The following ATXN7 variants were observed in gnomAD, a reference collection of about 807,000 sequenced individuals.
ATXN7 encodes the protein ataxin-7.
In ATXN7, 12 loss-of-function variants were observed where a neutral mutation model predicts 70.5. The ratio of observed to expected loss-of-function variants is 0.17; its 90% CI spans 0.11 to 0.28. The LOEUF is 0.28. ATXN7 is among the 10% of genes least tolerant of loss of function. ATXN7 has a pLI of 1.00. For synonymous variants in ATXN7, 498 were observed against 448.7 expected, an observed-to-expected ratio of 1.11 and a Z score of -1.39; for missense variants, 1,256 against 1,131.7, an observed-to-expected ratio of 1.11 and a Z score of -1.58.
At chr3:63,961,633 G>A (rs2075133445) in intron 5 of ATXN7, among the ~76,000 whole-genome samples, 1 of 151,914 alleles carries the variant, frequency 6.6e-6, no homozygotes, top group Non-Finnish European at 1.5e-5. Flanking sequence ...ACATTACACT[G>A]TACTGTAAAT....
chr3:63,937,783 C>G (rs1044465312), intron 4 of ATXN7, among the ~76,000 whole-genome samples: 19 of 152,162 alleles, frequency 1.2e-4, no homozygotes, highest in African/African-American at 3.6e-4. Flanking sequence ...ACCTTTAACA[C>G]TAGCCCCACC....
At chr3:63,894,387 G>T (rs1240399937) in intron 1 of ATXN7, among the ~76,000 whole-genome samples, 3 of 152,114 alleles carry the variant, frequency 2.0e-5, no homozygotes, top group Non-Finnish European at 2.9e-5. Flanking sequence ...GCTATTTTAG[G>T]CCTGTGGACT....
intron 11 of ATXN7, 30 bp downstream of exon 11, chr3:63,990,889 C>G: frequency 6.2e-7 from 1 of 1,614,154 alleles, no homozygotes; most frequent in Non-Finnish European, 8.5e-7. Context: ...GGGAGAGGAG[C>G]TGACTTTACA....
intron 4 of ATXN7, among the ~76,000 whole-genome samples, chr3:63,938,827 T>G (rs906578725): frequency 2.6e-5 from 4 of 152,196 alleles, no homozygotes; most frequent in Non-Finnish European, 4.4e-5. Flanking sequence ...TTGTAACTTC[T>G]CTTTAAATAA....
At position 63,988,073 on chromosome 3, in the gene ATXN7, C is replaced by T; in HGVS notation, c.1110C>T (p.Thr370=). The stretch of plus-strand genomic sequence containing the variant: ...TTGGTCCACAGACACATTCCTTAAC[C>T]CAGCGCAGGGCTGTCCAGGGTAGAA... ...RSLTCKTHSL[T]QRRAVQGRRK... is the part of the protein sequence containing the mutation. The change falls in exon 9 of 13, where the codon ACC becomes ACT. Residue 370 remains threonine, a synonymous_variant. Coordinates refer to ENST00000674280, the MANE Select transcript of ATXN7 (RefSeq NM_001377405.1). 5 of 1,614,006 alleles carry T rather than the reference C, an allele frequency of 3.1e-6. No individual in the cohort carries two copies. Among genetic ancestry groups the T allele is most frequent in the Non-Finnish European group, 4.2e-6 (5 of 1,180,018 alleles).
At chr3:63,993,161 C>G (rs1257340375) in intron 11 of ATXN7, among the ~76,000 whole-genome samples, 1 of 152,098 alleles carries the variant, frequency 6.6e-6, no homozygotes, top group African/African-American at 2.4e-5. Flanking sequence ...CCTGAAAGGC[C>G]ACTGCCCACC....
chr3:63,995,751 C>T lies in ATXN7; in HGVS notation c.1929C>T (p.Ser643=). The T allele has an allele frequency of 6.2e-7, 1 of 1,614,222 alleles. No individual in the cohort carries two copies. Among genetic ancestry groups the T allele is most frequent in the Non-Finnish European group, 8.5e-7 (1 of 1,180,042 alleles). ...GAMDPVCSMQ[S]RQVSSSSSSP... ...TGGATCCTGTGTGCAGTATGCAATC[C>T]AGACAAGTGTCCTCTTCATCCTCAT... is the stretch of plus-strand genomic sequence containing the variant. The change falls in exon 12 of 13, where the codon TCC becomes TCT. Residue 643 remains serine (S), a synonymous_variant. Coordinates refer to ENST00000674280, the MANE Select transcript of ATXN7 (RefSeq NM_001377405.1).
intron 2 of ATXN7, chr3:63,901,653 T>A (rs967336341): frequency 6.6e-6 from 1 of 152,198 alleles, no homozygotes; most frequent in Non-Finnish European, 1.5e-5. Flanking sequence ...CTGGAACTCC[T>A]GAACCCTGGC....
chr3:63,893,480 G>A (rs906697149), intron 1 of ATXN7, among the ~76,000 whole-genome samples: 1 of 152,216 alleles, frequency 6.6e-6, no homozygotes, highest in African/African-American at 2.4e-5. Context: ...GCAAAAGAGT[G>A]AAGGATGGCT....
At chr3:63,890,590 CGTA>C (rs1038668576) in intron 1 of ATXN7, among the ~76,000 whole-genome samples, 1 of 152,018 alleles carries the variant, frequency 6.6e-6, no homozygotes, top group African/African-American at 2.4e-5. Flanking sequence ...TTTGCTACCT[CGTA>C]GAAGTAAATA....
At chr3:63,892,515 C>A (rs1305732922) in intron 1 of ATXN7, among the ~76,000 whole-genome samples, 7 of 149,790 alleles carry the variant, frequency 4.7e-5, no homozygotes, top group East Asian at 4.0e-4. Context: ...ACACACACAC[C>A]CCAACTCCTG....
chr3:63,998,062 T>C, intron 12 of ATXN7: 1 of 985,390 alleles, frequency 1.0e-6, no homozygotes, highest in Non-Finnish European at 1.2e-6. Context: ...CGCACCGTCT[T>C]TGAGAGAGAC....
rs1704080424 is a variant in ATXN7, at chr3:63,912,670, G to C, written c.72G>C (p.Ala24=). The part of the protein sequence containing the change: ...RRAAAAAGGA[A]AAAARQQQQQ... ...CGGCGGCGGCGGCGGGCGGAGCAGC[G>C]GCCGCGGCCGCCCGGCAGCAGCAGC... The change falls in exon 3 of 13, where the codon GCG becomes GCC. Residue 24 remains alanine, a synonymous_variant. Transcript: ENST00000674280. The C allele has an allele frequency of 1.9e-6, 2 of 1,054,232 alleles. No homozygotes were observed. The highest frequency in any genetic ancestry group is 1.7e-4 in the East Asian group (2 of 11,936). The allele number at this position is 1,054,232 out of a possible 1,614,324, so 65.3% of individuals were successfully genotyped here.
At chr3:63,899,190 GT>G (rs1279808092) in intron 2 of ATXN7, among the ~76,000 whole-genome samples, 2 of 151,742 alleles carry the variant, frequency 1.3e-5, no homozygotes, top group Admixed American at 6.6e-5. Context: ...AGCCTCCTGA[GT>G]AGTTGGGACT....
At chr3:63,956,731 T>C (rs1388746941) in intron 5 of ATXN7, among the ~76,000 whole-genome samples, 1 of 152,118 alleles carries the variant, frequency 6.6e-6, no homozygotes, top group African/African-American at 2.4e-5. Flanking sequence ...GTACATACAG[T>C]GGGAGACATA....
intron 8 of ATXN7, among the ~76,000 whole-genome samples, chr3:63,985,564 G>A (rs1575990095): frequency 1.3e-5 from 2 of 152,302 alleles, no homozygotes; most frequent in African/African-American, 4.8e-5. Flanking sequence ...TACCCTGAGT[G>A]TTTCCCAAGT....
At chr3:63,933,216 T>C (rs79144449) in intron 4 of ATXN7, among the ~76,000 whole-genome samples, 3,593 of 152,292 alleles carry the variant, frequency 0.024, 76 homozygotes, top group African/African-American at 0.059. Flanking sequence ...CCTTTCTCTC[T>C]GAGTCTCTCC....
intron 5 of ATXN7, among the ~76,000 whole-genome samples, chr3:63,962,908 C>CTATTTTTTTTTTTTTT (rs1553691654): frequency 1.5e-5 from 2 of 136,342 alleles, no homozygotes; most frequent in Non-Finnish European, 1.6e-5. Flanking sequence ...TTTTGTATTT[C>CTATTTTTTTTTTTTTT]TTTTTTTTTT....
chr3:63,978,010 C>CT (rs2075419043), intron 5 of ATXN7, among the ~76,000 whole-genome samples: 1 of 152,146 alleles, frequency 6.6e-6, no homozygotes, highest in Non-Finnish European at 1.5e-5. Flanking sequence ...CCTTTAGTGC[C>CT]TTGTAGCAGG....
Sources: allele counts gnomAD v4.1 joint callset (sites outside exome capture counted in the v4.1 genomes callset), GRCh38; gene constraint gnomAD v4.1.1; transcripts MANE v1.5; gene names NCBI Gene and HGNC (gene_info 2026-07-23, HGNC 2026-07-21).